ROBO2: variants seen among roughly 807,000 people sequenced by gnomAD.
ROBO2 encodes roundabout guidance receptor 2, also known as roundabout homolog 2.
A neutral mutation model predicts 160.8 loss-of-function variants in ROBO2; 53 were observed. The observed-to-expected ratio is 0.33, with a 90% CI of 0.26 to 0.41. ROBO2 has a LOEUF of 0.41. ROBO2 is among the 10% of genes least tolerant of loss of function. The probability of loss-of-function intolerance (pLI) is 1.00; values close to 1 mark genes in which losing one functional copy is unlikely to be tolerated. For synonymous variants in ROBO2, 664 were observed against 611.7 expected, an observed-to-expected ratio of 1.09 and a Z score of -1.26; for missense variants, 1,577 against 1,722.4, an observed-to-expected ratio of 0.92 and a Z score of 1.49.
chr3:76,847,352 G>A (rs936801969), intron 2 of ROBO2, among the ~76,000 whole-genome samples: 2 of 152,082 alleles, frequency 1.3e-5, no homozygotes, highest in African/African-American at 2.4e-5. Context: ...TGCTCATGTT[G>A]CTCCTTATGG....
intron 5 of ROBO2, among the ~76,000 whole-genome samples, chr3:77,518,817 G>A (rs1297287024): frequency 6.6e-6 from 1 of 151,378 alleles, no homozygotes; most frequent in Non-Finnish European, 1.5e-5. Context: ...AACTATGCTG[G>A]GCACTGTTAT....
intron 2 of ROBO2, among the ~76,000 whole-genome samples, chr3:76,109,283 A>C (rs2070102975): frequency 6.6e-6 from 1 of 152,106 alleles, no homozygotes; most frequent in African/African-American, 2.4e-5. Flanking sequence ...TTGCAGAGAA[A>C]ACTATGACTG....
chr3:76,501,819 G>A (rs2080477267), intron 2 of ROBO2, among the ~76,000 whole-genome samples: 1 of 152,160 alleles, frequency 6.6e-6, no homozygotes, highest in Admixed American at 6.5e-5. Context: ...ACTCAGTGGG[G>A]TGGGAGTAGT....
At chr3:77,543,088 G>A (rs1582835829) in intron 6 of ROBO2, among the ~76,000 whole-genome samples, 1 of 151,798 alleles carries the variant, frequency 6.6e-6, no homozygotes, top group South Asian at 2.1e-4. Context: ...ACCACTCTTC[G>A]CCTAGTCAGC....
chr3:76,651,259 T>A (rs1290425841), intron 2 of ROBO2, among the ~76,000 whole-genome samples: 1 of 152,072 alleles, frequency 6.6e-6, no homozygotes, highest in Non-Finnish European at 1.5e-5. Context: ...CTCCCAGAAG[T>A]TCCAGGGTTC....
chr3:77,347,251 T>G (rs904076221), intron 2 of ROBO2, among the ~76,000 whole-genome samples: 8 of 152,118 alleles, frequency 5.3e-5, no homozygotes. Flanking sequence ...CATATTTGAT[T>G]TATTCAAAGG....
intron 2 of ROBO2, among the ~76,000 whole-genome samples, chr3:77,143,075 C>T (rs887376418): frequency 9.9e-5 from 15 of 150,812 alleles, no homozygotes; most frequent in African/African-American, 3.7e-4. Context: ...TGTCTTAATA[C>T]CAGCAAGCAA....
At chr3:76,462,747 T>G (rs1202585813) in intron 2 of ROBO2, among the ~76,000 whole-genome samples, 1 of 152,236 alleles carries the variant, frequency 6.6e-6, no homozygotes, top group Non-Finnish European at 1.5e-5. Flanking sequence ...GTGCTATGTA[T>G]TCACACTACA....
intron 2 of ROBO2, among the ~76,000 whole-genome samples, chr3:76,408,383 A>G (rs1559899084): frequency 1.3e-5 from 2 of 152,120 alleles, no homozygotes; most frequent in African/African-American, 2.4e-5. Context: ...CCAAATACAG[A>G]TAACTTCCAA....
intron 2 of ROBO2, among the ~76,000 whole-genome samples, chr3:76,940,359 T>C (rs1204195434): frequency 6.6e-6 from 1 of 152,186 alleles, no homozygotes; most frequent in African/African-American, 2.4e-5. Flanking sequence ...AATGTAGGAT[T>C]GAATGGATTT....
intron 2 of ROBO2, among the ~76,000 whole-genome samples, chr3:76,732,705 G>A (rs2093654855): frequency 6.6e-6 from 1 of 152,210 alleles, no homozygotes; most frequent in Non-Finnish European, 1.5e-5. Context: ...AGCGGTCTGA[G>A]TGTGTAATGA....
At chr3:75,964,695 A>T (rs1460277920) in intron 2 of ROBO2, among the ~76,000 whole-genome samples, 1 of 151,710 alleles carries the variant, frequency 6.6e-6, no homozygotes, top group East Asian at 2.0e-4. Context: ...GATTTAATAG[A>T]TTTGATAATT....
intron 2 of ROBO2, among the ~76,000 whole-genome samples, chr3:77,351,840 C>T (rs978682776): frequency 2.0e-5 from 3 of 149,626 alleles, no homozygotes; most frequent in Non-Finnish European, 3.0e-5. Context: ...TTTGTCCTTG[C>T]GATAGGACAA....
intron 2 of ROBO2, among the ~76,000 whole-genome samples, chr3:77,338,447 A>C (rs914532203): frequency 3.7e-4 from 57 of 152,298 alleles, no homozygotes; most frequent in African/African-American, 1.3e-3. Context: ...GTGAAGATTA[A>C]GCTTATGTTT....
chr3:77,299,373 G>A (rs546279490), intron 2 of ROBO2, among the ~76,000 whole-genome samples: 99 of 152,198 alleles, frequency 6.5e-4, no homozygotes, highest in African/African-American at 2.0e-3. Context: ...TTGTTCTCAC[G>A]CTGCTATGAA....
chr3:76,128,096 A>G (rs2071070218), intron 2 of ROBO2, among the ~76,000 whole-genome samples: 1 of 151,898 alleles, frequency 6.6e-6, no homozygotes, highest in African/African-American at 2.4e-5. Flanking sequence ...AGGTTTCATT[A>G]CATTGGCCAA....
In ROBO2 at chr3:77,602,602, A is replaced by C. The variant is rs2094450530; in HGVS notation, c.3136+111A>C. The C allele has an allele frequency of 3.1e-6, 4 of 1,302,422 alleles. No homozygotes were observed. In the Admixed American group the frequency reaches 6.9e-5, roughly 22 times the overall value. The allele number at this position is 1,302,422 out of a possible 1,614,324, so 80.7% of individuals were successfully genotyped here. On this transcript the variant is annotated intron_variant, in intron 20 of 25. Coordinates refer to ENST00000461745, the Ensembl canonical transcript of ROBO2. Reference sequence around the variant, plus strand: ...GATTCATTACCAGGTTTACTACCTAAACTAAAAAAAGATACCAGCATGTTT... The same window carrying C: ...GATTCATTACCAGGTTTACTACCTACACTAAAAAAAGATACCAGCATGTTT...
At chr3:77,517,652 G>T (rs1245025959) in intron 5 of ROBO2, among the ~76,000 whole-genome samples, 2 of 151,428 alleles carry the variant, frequency 1.3e-5, no homozygotes, top group African/African-American at 4.8e-5. Context: ...TGTGGCTTCA[G>T]TTACCCTTGG....
chr3:76,169,325 G>A (rs775830390), intron 2 of ROBO2, among the ~76,000 whole-genome samples: 1 of 152,140 alleles, frequency 6.6e-6, no homozygotes, highest in East Asian at 1.9e-4. Flanking sequence ...AAAATTGGCA[G>A]ATGAATTTCC....
Sources: gnomAD v4.1 joint callset for allele counts (sites outside exome capture counted in the v4.1 genomes callset) on GRCh38, gnomAD v4.1.1 for gene constraint, MANE v1.5 for transcripts, NCBI Gene and HGNC (gene_info 2026-07-23, HGNC 2026-07-21) for gene names.